The following SNX29 variants were observed in gnomAD, a reference collection of about 807,000 sequenced individuals.
SNX29 encodes the protein sorting nexin 29.
SNX29 carries 78 observed loss-of-function variants against 102.1 expected under a neutral mutation model. The ratio of observed to expected loss-of-function variants is 0.76; its 90% CI spans 0.64 to 0.92. The LOEUF (loss-of-function observed/expected upper bound fraction) is 0.92, where lower values mean the gene tolerates loss of function less well. Among genes scored for constraint, SNX29 ranks in the 40% least tolerant of loss-of-function variants. SNX29 has a pLI of 0.00. For missense variants in SNX29, 1,280 were observed against 1,061.7 expected, an observed-to-expected ratio of 1.21 and a Z score of -2.86; for synonymous variants, 580 against 414.5, an observed-to-expected ratio of 1.40 and a Z score of -4.85.
chr16:12,542,473 AG>A (rs1210911279), intron 20 of SNX29, among the ~76,000 whole-genome samples: 1 of 152,214 alleles, frequency 6.6e-6, no homozygotes, highest in African/African-American at 2.4e-5. Context: ...CTGGGATTAC[AG>A]GGACCCACTA....
chr16:12,262,809 A>G (rs753201123), intron 14 of SNX29, among the ~76,000 whole-genome samples: 1 of 152,194 alleles, frequency 6.6e-6, no homozygotes, highest in African/African-American at 2.4e-5. Context: ...TGTATAATTC[A>G]TTGGTTTTCC....
At chr16:12,523,493 T>G (rs374777968) in intron 19 of SNX29, among the ~76,000 whole-genome samples, 125 of 152,290 alleles carry the variant, frequency 8.2e-4, no homozygotes, top group African/African-American at 3.0e-3. Flanking sequence ...CAGGGTGTCT[T>G]TGTTACAAGC....
In SNX29 at chr16:12,118,738, G is replaced by A. The variant is rs139246291; in HGVS notation, c.1403-7895G>A. 6.8e-4 allele frequency among the ~76,000 whole-genome samples: 103 copies of A among 152,278 alleles called. 1 individual carries two copies. The highest frequency in any genetic ancestry group is 2.3e-3 in the African/African-American group (97 of 41,556). Reference sequence around the variant, plus strand: ...TCCTAATAAATTCACGCATACCTGAGTGCTGTGTTTTCTAGCCTTCTGTGA... The same window carrying A: ...TCCTAATAAATTCACGCATACCTGAATGCTGTGTTTTCTAGCCTTCTGTGA... On this transcript the variant is annotated intron_variant, in intron 11 of 20. Transcript: ENST00000566228.
At chr16:12,444,094 A>G (rs753576786) in intron 18 of SNX29, among the ~76,000 whole-genome samples, 9 of 151,594 alleles carry the variant, frequency 5.9e-5, no homozygotes, top group Non-Finnish European at 1.2e-4. Context: ...AGCACTCAGT[A>G]TAGCACCTAG....
At chr16:12,055,068 C>T (rs2050463704) in intron 8 of SNX29, among the ~76,000 whole-genome samples, 1 of 152,018 alleles carries the variant, frequency 6.6e-6, no homozygotes, top group African/African-American at 2.4e-5. Context: ...CTGTGTTATT[C>T]AGGGCTTTCT....
At chr16:12,223,095 T>C (rs1177968417) in intron 14 of SNX29, among the ~76,000 whole-genome samples, 5 of 152,054 alleles carry the variant, frequency 3.3e-5, no homozygotes, top group Non-Finnish European at 5.9e-5. Flanking sequence ...TCAGTGTGAG[T>C]TGTCATTATG....
intron 3 of SNX29, among the ~76,000 whole-genome samples, chr16:12,026,483 G>A (rs1366380503): frequency 6.6e-6 from 1 of 152,176 alleles, no homozygotes; most frequent in Admixed American, 6.6e-5. Context: ...GAATGGAAAG[G>A]GCTCAGAAGT....
At chr16:12,500,387 C>T (rs2089056728) in intron 19 of SNX29, among the ~76,000 whole-genome samples, 2 of 152,132 alleles carry the variant, frequency 1.3e-5, no homozygotes, top group Admixed American at 6.5e-5. Flanking sequence ...AAATAACTGG[C>T]CCCAGGTACA....
chr16:12,547,831 G>GC (rs1380672839), intron 20 of SNX29, among the ~76,000 whole-genome samples: 1 of 152,192 alleles, frequency 6.6e-6, no homozygotes, highest in Non-Finnish European at 1.5e-5. Context: ...GCCTTACTGA[G>GC]CCCCAGATTC....
At chr16:12,544,020 A>T (rs1194072881) in intron 20 of SNX29, among the ~76,000 whole-genome samples, 2 of 152,220 alleles carry the variant, frequency 1.3e-5, no homozygotes, top group African/African-American at 4.8e-5. Flanking sequence ...CCTGGACTCT[A>T]GACCCCGTTG....
chr16:12,352,315 A>G lies in SNX29; in HGVS notation c.1783-3848A>G, dbSNP rs1294833569. 6.6e-5 allele frequency among the ~76,000 whole-genome samples: 10 copies of G among 150,818 alleles called. 1 individual carries two copies. The highest frequency in any genetic ancestry group is 2.1e-4 in the South Asian group (1 of 4,760). ...CTCACTCATAGGTGGGAGTTGAACA[A>G]TGAGAACACATGGACACAGGAAGGG... On this transcript the variant is annotated intron_variant, in intron 15 of 20. Coordinates refer to ENST00000566228, the MANE Select transcript of SNX29 (RefSeq NM_032167.5).
At chr16:12,175,116 A>G (rs2076231532) in intron 13 of SNX29, among the ~76,000 whole-genome samples, 1 of 152,314 alleles carries the variant, frequency 6.6e-6, no homozygotes, top group South Asian at 2.1e-4. Flanking sequence ...GTTTATGTTC[A>G]GGGATTATCT....
intron 11 of SNX29, among the ~76,000 whole-genome samples, chr16:12,119,388 A>G (rs2053879915): frequency 1.3e-5 from 2 of 152,198 alleles, no homozygotes; most frequent in Non-Finnish European, 2.9e-5. Flanking sequence ...GAAAACCAAA[A>G]AATTACAAAT....
intron 1 of SNX29, among the ~76,000 whole-genome samples, chr16:11,994,183 G>A (rs556646560): frequency 1.3e-5 from 2 of 152,290 alleles, no homozygotes; most frequent in Admixed American, 6.5e-5. Flanking sequence ...ACTTTCCCGT[G>A]CACATGAGGA....
chr16:12,186,765 T>G (rs1229126758), intron 13 of SNX29, among the ~76,000 whole-genome samples: 1 of 152,170 alleles, frequency 6.6e-6, no homozygotes, highest in Non-Finnish European at 1.5e-5. Flanking sequence ...AGAACATCCC[T>G]CAATTTGGGT....
intron 19 of SNX29, among the ~76,000 whole-genome samples, chr16:12,518,846 C>G (rs116627011): frequency 5.3e-5 from 8 of 152,162 alleles, no homozygotes; most frequent in Non-Finnish European, 8.8e-5. Context: ...GCTGCATTCC[C>G]ACAGAGCCGG....
At chr16:12,520,280 A>G (rs184636232) in intron 19 of SNX29, among the ~76,000 whole-genome samples, 2 of 152,334 alleles carry the variant, frequency 1.3e-5, no homozygotes, top group Admixed American at 6.5e-5. Flanking sequence ...GGCTTCTCCT[A>G]AAGCCAACCT....
intron 18 of SNX29, among the ~76,000 whole-genome samples, chr16:12,434,575 C>G (rs937805264): frequency 1.3e-5 from 2 of 152,106 alleles, no homozygotes; most frequent in Non-Finnish European, 2.9e-5. Context: ...CCTGAAACAG[C>G]CTTGTGTACC....
chr16:12,555,317 C>T (rs66657300), intron 20 of SNX29, among the ~76,000 whole-genome samples: 89,211 of 151,232 alleles, frequency 0.59, 27,390 homozygotes, highest in Middle Eastern at 0.71. Context: ...CTCTCATAGC[C>T]CCAGTGTTTC....
Sources: allele counts gnomAD v4.1 joint callset (sites outside exome capture counted in the v4.1 genomes callset), GRCh38; gene constraint gnomAD v4.1.1; transcripts MANE v1.5; gene names NCBI Gene and HGNC (gene_info 2026-07-23, HGNC 2026-07-21).